CORO7: variants seen among roughly 807,000 people sequenced by gnomAD.
CORO7 encodes the protein coronin 7.
In CORO7, 107 loss-of-function variants were observed where a neutral mutation model predicts 126.6. That is an observed-to-expected ratio of 0.85 (90% CI 0.72 to 0.99). The LOEUF is 0.99. Among genes scored for constraint, CORO7 ranks in the 50% least tolerant of loss-of-function variants. The pLI is 0.00. For missense variants in CORO7, 1,314 were observed against 1,255.8 expected (o/e 1.05, Z -0.70); for synonymous variants, 603 against 536.8 (o/e 1.12, Z -1.70).
intron 7 of CORO7, among the ~76,000 whole-genome samples, chr16:4,393,843 G>A (rs1472071083): frequency 2.0e-5 from 3 of 152,228 alleles, no homozygotes; most frequent in East Asian, 1.9e-4. Context: ...GCTCACGTCT[G>A]TAATCCCAGC....
At chr16:4,375,786 C>T (rs1350386735) in intron 9 of CORO7, among the ~76,000 whole-genome samples, 1 of 152,236 alleles carries the variant, frequency 6.6e-6, no homozygotes, top group East Asian at 1.9e-4. Context: ...CCATGCCCGG[C>T]AGAATTTCTT....
chr16:4,409,735 A>T (rs756673781), intron 3 of CORO7, among the ~76,000 whole-genome samples: 1 of 152,200 alleles, frequency 6.6e-6, no homozygotes, highest in Non-Finnish European at 1.5e-5. Flanking sequence ...TCAGAAACGC[A>T]CCCAGAAGTT....
At chr16:4,394,819 C>G (rs529599375) in intron 7 of CORO7, among the ~76,000 whole-genome samples, 1 of 152,348 alleles carries the variant, frequency 6.6e-6, no homozygotes, top group South Asian at 2.1e-4. Context: ...CCGCTTGGAA[C>G]TGAAATGGCC....
At position 4,361,999 on chromosome 16, in the gene CORO7, C is replaced by A. The variant is rs749263110; in HGVS notation, c.1564G>T (p.Val522Leu). Reference protein sequence around the residue: ...AVPLLSSGGQVAVLELRKPGR... With the variant: ...AVPLLSSGGQLAVLELRKPGR... Reference sequence around the variant, plus strand: ...GGGGCCCTCACCTCAAGCACAGCCACCTGTCCCCCGCTGCTGAGCAGCGGC... The same window carrying A: ...GGGGCCCTCACCTCAAGCACAGCCAACTGTCCCCCGCTGCTGAGCAGCGGC... Residue 522 changes from valine to leucine, a missense_variant, in exon 16 of 28, where the codon GTG (valine) becomes TTG (leucine). Transcript: ENST00000251166. 6.2e-6 allele frequency: 10 copies of A among 1,608,680 alleles called. No homozygotes were observed. Among genetic ancestry groups the A allele is most frequent in the Non-Finnish European group, 8.5e-6 (10 of 1,177,934 alleles).
chr16:4,395,106 G>A (rs2055535114), intron 7 of CORO7, among the ~76,000 whole-genome samples, 183 bp downstream of exon 7: 1 of 152,170 alleles, frequency 6.6e-6, no homozygotes, highest in Non-Finnish European at 1.5e-5. Context: ...GCCCTCCCAG[G>A]ACCCACAACA....
At chr16:4,378,556 G>A (rs537762839) in intron 9 of CORO7, among the ~76,000 whole-genome samples, 3 of 152,268 alleles carry the variant, frequency 2.0e-5, no homozygotes, top group South Asian at 2.1e-4. Context: ...AGGGTGGAGC[G>A]GGTCCCATGG....
At chr16:4,416,382 CT>C in intron 1 of CORO7, 76 bp downstream of exon 1, 1 of 1,458,836 alleles carries the variant, frequency 6.9e-7, no homozygotes, top group Non-Finnish European at 9.0e-7. Flanking sequence ...GAGGGCACCC[CT>C]GTGGGGTCCG....
Position 4,364,795 on chromosome 16 carries a change from C to T in CORO7, c.1024G>A (p.Gly342Ser), listed in dbSNP as rs777645948. ...QLSDTAIVPI[G>S]YHVPRKAVEF... Reference sequence around the variant, plus strand: ...CTCACCTTGCGGGGCACATGGTAGCCGATGGGCACGATGGCTGTGTCGCTC... The same window carrying T: ...CTCACCTTGCGGGGCACATGGTAGCTGATGGGCACGATGGCTGTGTCGCTC... The change falls in exon 12 of 28, where the codon GGC becomes AGC. Residue 342 changes from glycine to serine, a missense_variant. By Grantham distance (56) the Gly-to-Ser change is moderately conservative. Transcript: ENST00000251166. 56 of 1,611,256 alleles carry T rather than the reference C, an allele frequency of 3.5e-5. No individual in the cohort carries two copies. The highest frequency in any genetic ancestry group is 1.6e-4 in the East Asian group (7 of 44,876).
intron 3 of CORO7, among the ~76,000 whole-genome samples, chr16:4,410,486 A>G (rs2056164596): frequency 6.6e-6 from 1 of 152,200 alleles, no homozygotes; most frequent in Non-Finnish European, 1.5e-5. Flanking sequence ...TGGCCCTGCC[A>G]TAACAATGGG....
At chr16:4,394,773 C>A (rs2055525033) in intron 7 of CORO7, among the ~76,000 whole-genome samples, 1 of 152,266 alleles carries the variant, frequency 6.6e-6, no homozygotes, top group African/African-American at 2.4e-5. Flanking sequence ...GTCCCAGTGG[C>A]TGGATGCCTG....
intron 9 of CORO7, among the ~76,000 whole-genome samples, chr16:4,373,564 C>T (rs917392441): frequency 1.3e-5 from 2 of 152,140 alleles, no homozygotes. Context: ...GAGGAAGGCC[C>T]CTCTGGCACG....
At chr16:4,371,857 G>A (rs1297022930) in intron 9 of CORO7, 1 of 152,144 alleles carries the variant, frequency 6.6e-6, no homozygotes, top group Non-Finnish European at 1.5e-5. Context: ...CGACTCCGGA[G>A]CCCGAGCCCG....
intron 9 of CORO7, among the ~76,000 whole-genome samples, chr16:4,384,645 G>A (rs112517060): frequency 0.012 from 1,797 of 152,336 alleles, 16 homozygotes; most frequent in Non-Finnish European, 0.018. Context: ...CCAGCCACGC[G>A]AGGCTCTGGA....
chr16:4,360,574 A>AC, intron 19 of CORO7, 26 bp from the exon 20 acceptor site: 1 of 1,570,092 alleles, frequency 6.4e-7, no homozygotes, highest in Admixed American at 1.9e-5. Flanking sequence ...GATATGAGAG[A>AC]CAGCCTTGCT....
chr16:4,370,112 G>A (rs114541890), intron 9 of CORO7, among the ~76,000 whole-genome samples: 1 of 152,240 alleles, frequency 6.6e-6, no homozygotes, highest in African/African-American at 2.4e-5. Context: ...ACATCAGGAG[G>A]TCCTGTTCCT....
At chr16:4,401,909 T>G (rs900426767) in intron 6 of CORO7, among the ~76,000 whole-genome samples, 3 of 144,420 alleles carry the variant, frequency 2.1e-5, no homozygotes, top group Non-Finnish European at 4.5e-5. Flanking sequence ...TTTCTTTTTT[T>G]CCTTTTTTTT....
At position 4,389,713 on chromosome 16, in the gene CORO7, G is replaced by A. The variant is rs12927449; in HGVS notation, c.616-1082C>T. ...CTCTCTCCACGTAAGAGGGGATATC[G>A]GGTCAGGACAAGGGTCGAGCCATTG... On this transcript the variant is annotated intron_variant, in intron 7 of 27. Coordinates refer to ENST00000251166, the MANE Select transcript of CORO7 (RefSeq NM_024535.5). Among the ~76,000 whole-genome samples the A allele has an allele frequency of 9.9e-3, 1,502 of 152,324 alleles. 17 individuals carry two copies. The highest frequency in any genetic ancestry group is 0.014 in the Non-Finnish European group (938 of 68,016).
At chr16:4,386,116 C>T (rs1159511909) in intron 9 of CORO7, among the ~76,000 whole-genome samples, 1 of 152,156 alleles carries the variant, frequency 6.6e-6, no homozygotes, top group African/African-American at 2.4e-5. Context: ...TGGCATCCAC[C>T]AGCTTCATGG....
At chr16:4,404,967 C>T (rs2055942855) in intron 6 of CORO7, among the ~76,000 whole-genome samples, 1 of 152,162 alleles carries the variant, frequency 6.6e-6, no homozygotes, top group African/African-American at 2.4e-5. Context: ...CACCACCCAG[C>T]ACCCGCCTGC....
Sources: allele counts gnomAD v4.1 joint callset (sites outside exome capture counted in the v4.1 genomes callset), GRCh38; gene constraint gnomAD v4.1.1; transcripts MANE v1.5; gene names NCBI Gene and HGNC (gene_info 2026-07-23, HGNC 2026-07-21).